DERA: variants seen among roughly 807,000 people sequenced by gnomAD.
DERA encodes the protein 2-deoxy-D-ribose 5-phosphate aldolase.
In DERA, 15 loss-of-function variants were observed where a neutral mutation model predicts 41.1. The ratio of observed to expected loss-of-function variants is 0.37; its 90% CI spans 0.24 to 0.56. The LOEUF (loss-of-function observed/expected upper bound fraction) is 0.56, where lower values mean the gene tolerates loss of function less well. Ranked by LOEUF, DERA falls within the 20% of genes least tolerant of loss-of-function variation. The pLI is 0.81. For synonymous variants in DERA, 139 were observed against 137.4 expected (o/e 1.01, Z -0.08); for missense variants, 396 against 403.4 (o/e 0.98, Z 0.16).
rs914377634 is a variant in DERA, at chr12:15,970,406, G to A, written c.508+7459G>A. On this transcript the variant is annotated intron_variant, in intron 5 of 8. Coordinates refer to ENST00000428559, the MANE Select transcript of DERA (RefSeq NM_015954.4). The surrounding 1 kb of genome is among the most constrained non-coding windows in gnomAD (Gnocchi z 4.3). ...TTAAATCATAATTTTATACATATAA[G>A]TTTTATTAACAGAGTTTTTGATGTC... Among the ~76,000 whole-genome samples, 3 of 152,098 alleles carry A rather than the reference G, an allele frequency of 2.0e-5. No homozygotes were observed. The highest frequency in any genetic ancestry group is 2.9e-5 in the Non-Finnish European group (2 of 67,998).
intron 5 of DERA, among the ~76,000 whole-genome samples, chr12:15,977,118 C>CT (rs940433135): frequency 6.6e-6 from 1 of 152,080 alleles, no homozygotes; most frequent in African/African-American, 2.4e-5. Context: ...TTTTATGCAG[C>CT]TTTTTTCCCC....
intron 6 of DERA, among the ~76,000 whole-genome samples, chr12:16,007,189 G>T (rs200706200): frequency 0.047 from 4,663 of 99,840 alleles, 48 homozygotes; most frequent in African/African-American, 0.094. Flanking sequence ...TTTTTTTTTT[G>T]TTTTTTTTTT....
intron 5 of DERA, among the ~76,000 whole-genome samples, chr12:15,968,072 T>C (rs1948635467): frequency 6.7e-6 from 1 of 148,448 alleles, no homozygotes; most frequent in Non-Finnish European, 1.5e-5. Flanking sequence ...AACTCAGGAC[T>C]CTTTCTTCTT....
At position 15,995,825 on chromosome 12, in the gene DERA, G is replaced by A. The variant is rs1948832953; in HGVS notation, c.637+13389G>A. Among the ~76,000 whole-genome samples, 1 of 152,204 alleles carries A rather than the reference G, an allele frequency of 6.6e-6. No homozygotes were observed. The highest frequency in any genetic ancestry group is 2.4e-5 in the African/African-American group (1 of 41,438). On this transcript the variant is annotated intron_variant, in intron 6 of 8. Transcript: ENST00000428559. This position sits in a 1 kb window ranked among gnomAD's most constrained non-coding sequence, Gnocchi z 5.1. The stretch of plus-strand genomic sequence containing the variant: ...AAAATCCTTGGGGTTGTAATATTAT[G>A]TTCAAATACTTGGAAGATTTTCCTG...
At chr12:15,945,113 T>A (rs1948437234) in intron 1 of DERA, among the ~76,000 whole-genome samples, 1 of 152,220 alleles carries the variant, frequency 6.6e-6, no homozygotes, top group South Asian at 2.1e-4. Flanking sequence ...ACCAGTACCA[T>A]GCTGTTTTGG....
rs936604607 is a variant in DERA, at chr12:15,941,296, T to C, written c.32-15640T>C. On this transcript the variant is annotated intron_variant, in intron 1 of 8. Coordinates refer to ENST00000428559, the MANE Select transcript of DERA (RefSeq NM_015954.4). This position sits in a 1 kb window ranked among gnomAD's most constrained non-coding sequence, Gnocchi z 4.5. ...TCAACTAGCTGCTATAGCAAATGGG[T>C]ATAACAGAGACACAACAGTGTTGAA... Among the ~76,000 whole-genome samples, 2 of 152,128 alleles carry C rather than the reference T, an allele frequency of 1.3e-5. No individual in the cohort carries two copies. Among genetic ancestry groups the C allele is most frequent in the African/African-American group, 4.8e-5 (2 of 41,426 alleles).
chr12:15,971,065 G>A (rs1298521727), intron 5 of DERA, among the ~76,000 whole-genome samples: 1 of 152,180 alleles, frequency 6.6e-6, no homozygotes, highest in Non-Finnish European at 1.5e-5. Context: ...CCTTTATAGA[G>A]GTAATAATGT....
intron 6 of DERA, among the ~76,000 whole-genome samples, chr12:15,997,145 T>TG (rs559881560): frequency 8.9e-4 from 135 of 152,226 alleles, no homozygotes; most frequent in African/African-American, 3.1e-3. Flanking sequence ...ACAGAGTGAG[T>TG]AATACTACAA....
At chr12:16,023,698 C>T (rs1368595420) in intron 6 of DERA, among the ~76,000 whole-genome samples, 4 of 151,678 alleles carry the variant, frequency 2.6e-5, no homozygotes, top group Admixed American at 6.6e-5. Flanking sequence ...GGGATGGTCT[C>T]GATCTCCTGA....
chr12:15,946,681 T>TATCC (rs1388905614), intron 1 of DERA, among the ~76,000 whole-genome samples: 1 of 152,194 alleles, frequency 6.6e-6, no homozygotes, highest in Non-Finnish European at 1.5e-5. Context: ...AACCAGCTCC[T>TATCC]GGATTCATTG....
At chr12:15,937,883 A>T (rs1948380341) in intron 1 of DERA, among the ~76,000 whole-genome samples, 1 of 152,214 alleles carries the variant, frequency 6.6e-6, no homozygotes, top group South Asian at 2.1e-4. Flanking sequence ...TGTTTTTGTC[A>T]TCAATTCATC....
chr12:15,963,885 G>C (rs1447764125), intron 5 of DERA, among the ~76,000 whole-genome samples: 2 of 146,874 alleles, frequency 1.4e-5, no homozygotes, highest in African/African-American at 5.5e-5. Context: ...ATCTGTATCT[G>C]TAAAGCCTAT....
chr12:15,914,793 C>T lies in DERA; in HGVS notation c.31+3379C>T, dbSNP rs7953745. Among the ~76,000 whole-genome samples the T allele has an allele frequency of 7.2e-3, 1,095 of 151,822 alleles. 15 individuals are homozygous for T. Among genetic ancestry groups the T allele is most frequent in the African/African-American group, 0.025 (1,049 of 41,404 alleles). ...CATGATGGGATTTTGTATTTTTTTT[C>T]GAGACAGAGTCTCCCTCTGTTGCCC... On this transcript the variant is annotated intron_variant, in intron 1 of 8. Coordinates refer to ENST00000428559, the MANE Select transcript of DERA (RefSeq NM_015954.4).
rs1948787026 is a variant in DERA, at chr12:15,989,412, T to C, written c.637+6976T>C. 6.6e-6 allele frequency among the ~76,000 whole-genome samples: 1 copy of C among 152,244 alleles called. No homozygotes were observed. The highest frequency in any genetic ancestry group is 6.5e-5 in the Admixed American group (1 of 15,292). On this transcript the variant is annotated intron_variant, in intron 6 of 8. Coordinates refer to ENST00000428559, the MANE Select transcript of DERA (RefSeq NM_015954.4). This position sits in a 1 kb window ranked among gnomAD's most constrained non-coding sequence, Gnocchi z 5.2. ...TTCCATTTGATTCTTTTTTATAATTTTTATTTCTCTACTGACATGTCCCCA... is the reference window on the plus strand; with the variant it reads ...TTCCATTTGATTCTTTTTTATAATTCTTATTTCTCTACTGACATGTCCCCA...
rs35293991 is a variant in DERA at position 15,955,296 on chromosome 12, GAAA to G, written c.32-1628_32-1626del. Among the ~76,000 whole-genome samples the G allele has an allele frequency of 1.6e-3, 212 of 134,584 alleles. 4 individuals carry two copies. In the East Asian group the frequency reaches 0.037, roughly 23 times the overall value. The allele number at this position is 134,584 out of a possible 152,430, so 88.3% of individuals were successfully genotyped here. ...CCTGGGCGACAGAGAGACTGTGTCTGAAAAAAAAAAAAAAGAGGCTCCCCTGCG... is the reference window on the plus strand; with the variant it reads ...CCTGGGCGACAGAGAGACTGTGTCTGAAAAAAAAAAAGAGGCTCCCCTGCG... On this transcript the variant is annotated intron_variant, in intron 1 of 8. Coordinates refer to ENST00000428559, the MANE Select transcript of DERA (RefSeq NM_015954.4).
intron 6 of DERA, among the ~76,000 whole-genome samples, chr12:16,022,046 C>T (rs546367073): frequency 1.6e-4 from 25 of 152,286 alleles, no homozygotes; most frequent in South Asian, 8.3e-4. Flanking sequence ...AGAGACCAGA[C>T]GCAGAATGAT....
At chr12:15,926,464 C>T (rs1320289700) in intron 1 of DERA, among the ~76,000 whole-genome samples, 2 of 152,004 alleles carry the variant, frequency 1.3e-5, no homozygotes, top group Admixed American at 1.3e-4. Flanking sequence ...TGGCCGGGCG[C>T]GGTGGCTCAC....
rs143092605 is a variant in DERA at position 15,980,443 on chromosome 12, T to C, written c.509-1865T>C. ...TTTTTAGATCAGAAGATTTTCCTTG[T>C]CACTTGTTCTTAGAAAACAAGTTTC... On this transcript the variant is annotated intron_variant, in intron 5 of 8. Transcript: ENST00000428559. 3.7e-4 allele frequency among the ~76,000 whole-genome samples: 56 copies of C among 152,332 alleles called. No homozygotes were observed. In the East Asian group the frequency reaches 9.8e-3, roughly 27 times the overall value.
chr12:15,927,793 C>T (rs1051258654), intron 1 of DERA, among the ~76,000 whole-genome samples: 1 of 152,066 alleles, frequency 6.6e-6, no homozygotes, highest in Non-Finnish European at 1.5e-5. Flanking sequence ...ATACAACTAG[C>T]TGCTAATTAT....
Sources: allele counts gnomAD v4.1 joint callset (sites outside exome capture counted in the v4.1 genomes callset), GRCh38; gene constraint gnomAD v4.1.1; non-coding constraint Gnocchi (gnomAD v3.1); transcripts MANE v1.5; gene names NCBI Gene and HGNC (gene_info 2026-07-23, HGNC 2026-07-21).